Variants in L3MBTL4 observed in about 807,000 individuals in gnomAD.
L3MBTL4 encodes the protein lethal(3)malignant brain tumor-like protein 4.
Under a neutral mutation model 84.5 loss-of-function variants are expected in L3MBTL4, and 70 were observed. The observed-to-expected ratio is 0.83, with a 90% CI of 0.68 to 1.01. L3MBTL4 has a LOEUF of 1.01. Among genes scored for constraint, L3MBTL4 ranks in the 50% least tolerant of loss-of-function variants. The pLI, the probability that L3MBTL4 is intolerant of heterozygous loss-of-function variation, is 0.00. For missense variants in L3MBTL4, 715 were observed against 754.8 expected, an observed-to-expected ratio of 0.95 and a Z score of 0.62; for synonymous variants, 274 against 259.8, an observed-to-expected ratio of 1.05 and a Z score of -0.52.
intron 1 of L3MBTL4, among the ~76,000 whole-genome samples, chr18:6,345,088 G>C (rs2052811408): frequency 6.6e-6 from 1 of 151,718 alleles, no homozygotes; most frequent in Non-Finnish European, 1.5e-5. Context: ...GAAAACCATA[G>C]GCCAGGCACG....
At chr18:6,109,171 A>G (rs2059111183) in intron 14 of L3MBTL4, among the ~76,000 whole-genome samples, 1 of 152,212 alleles carries the variant, frequency 6.6e-6, no homozygotes. Flanking sequence ...CTCTTTCTCA[A>G]TAGATCACAT....
At chr18:6,318,633 A>G (rs192602381) in intron 1 of L3MBTL4, among the ~76,000 whole-genome samples, 68 of 152,024 alleles carry the variant, frequency 4.5e-4, no homozygotes, top group Non-Finnish European at 6.9e-4. Flanking sequence ...TCATAAAACA[A>G]TTACTATTAG....
chr18:6,194,508 G>A (rs564780476), intron 12 of L3MBTL4, among the ~76,000 whole-genome samples: 12 of 152,302 alleles, frequency 7.9e-5, no homozygotes, highest in African/African-American at 1.9e-4. Flanking sequence ...AGAAAGCACC[G>A]TGGGAAGTGG....
intron 14 of L3MBTL4, among the ~76,000 whole-genome samples, chr18:6,122,923 A>G (rs1299370945): frequency 6.6e-6 from 1 of 152,264 alleles, no homozygotes; most frequent in African/African-American, 2.4e-5. Context: ...AATCCATTTT[A>G]ATGCACATTA....
chr18:6,277,570 G>T (rs1436577592), intron 4 of L3MBTL4, among the ~76,000 whole-genome samples: 1 of 152,124 alleles, frequency 6.6e-6, no homozygotes, highest in Admixed American at 6.5e-5. Flanking sequence ...AACCAGTTGA[G>T]ATTCTGTTTT....
intron 16 of L3MBTL4, among the ~76,000 whole-genome samples, chr18:5,974,536 TC>T (rs967191528): frequency 2.0e-5 from 3 of 152,164 alleles, no homozygotes; most frequent in African/African-American, 7.2e-5. Context: ...GGCCAATTTT[TC>T]CAGAGTGCCT....
At chr18:6,080,017 G>A (rs1228522506) in intron 16 of L3MBTL4, 1 of 152,212 alleles carries the variant, frequency 6.6e-6, no homozygotes, top group Non-Finnish European at 1.5e-5. Context: ...CCTGAAGTGA[G>A]CAGTTCAGCA....
intron 13 of L3MBTL4, among the ~76,000 whole-genome samples, chr18:6,169,101 G>A (rs1453144666): frequency 1.3e-5 from 2 of 152,208 alleles, no homozygotes; most frequent in Non-Finnish European, 2.9e-5. Flanking sequence ...CTGGTCATCA[G>A]AGAAATGCAA....
chr18:6,093,034 T>G (rs1319621182), intron 15 of L3MBTL4, among the ~76,000 whole-genome samples: 1 of 152,174 alleles, frequency 6.6e-6, no homozygotes, highest in African/African-American at 2.4e-5. Context: ...TATGAAACGA[T>G]TCAAAAGAAT....
chr18:6,341,383 A>G (rs1328081250), intron 1 of L3MBTL4, among the ~76,000 whole-genome samples: 1 of 152,104 alleles, frequency 6.6e-6, no homozygotes, highest in Non-Finnish European at 1.5e-5. Context: ...ACTAAATTAT[A>G]TAAGGGAAAC....
At position 6,171,110 on chromosome 18, in the gene L3MBTL4, T is replaced by C. The variant is rs201588636; in HGVS notation, c.1096+718A>G. 7.9e-5 allele frequency among the ~76,000 whole-genome samples: 12 copies of C among 152,300 alleles called. No individual in the cohort carries two copies. In the East Asian group the frequency reaches 2.1e-3, roughly 27 times the overall value. On this transcript the variant is annotated intron_variant, in intron 13 of 18. Coordinates refer to ENST00000317931, the MANE Select transcript of L3MBTL4 (RefSeq NM_001330559.2). ...TAGGCTGGCTCCATGTAAGATATCC[T>C]CATTAATAGAAAAGCATTCTAGCTT...
chr18:6,391,698 C>T (rs341216), intron 1 of L3MBTL4, among the ~76,000 whole-genome samples: 1,568 of 151,216 alleles, frequency 0.01, 25 homozygotes, highest in African/African-American at 0.035. Context: ...ATGACCAAGC[C>T]GAGACTCAAA....
intron 5 of L3MBTL4, 131 bp downstream of exon 5, chr18:6,263,816 G>A (rs2048512033): frequency 1.3e-6 from 1 of 742,540 alleles, no homozygotes; most frequent in South Asian, 1.5e-5. Context: ...TTAGGTTTGT[G>A]GGGTCATTTT....
chr18:6,051,513 T>C (rs2056837763), intron 16 of L3MBTL4, among the ~76,000 whole-genome samples: 1 of 150,452 alleles, frequency 6.6e-6, no homozygotes, highest in Admixed American at 6.6e-5. Context: ...CATTCCAGCC[T>C]GGGCGGCGCA....
chr18:6,253,607 T>G (rs1472997268), intron 5 of L3MBTL4, among the ~76,000 whole-genome samples: 5 of 152,206 alleles, frequency 3.3e-5, no homozygotes, highest in Admixed American at 3.3e-4. Context: ...AATGCTAATT[T>G]TCACCTTGAT....
intron 12 of L3MBTL4, among the ~76,000 whole-genome samples, chr18:6,211,667 G>C (rs936595981): frequency 3.6e-5 from 3 of 84,218 alleles, no homozygotes; most frequent in Non-Finnish European, 4.8e-5. Flanking sequence ...TTTTTTTTTT[G>C]AGACAGAGTC....
intron 16 of L3MBTL4, among the ~76,000 whole-genome samples, chr18:6,066,383 A>G (rs2057400001): frequency 6.6e-6 from 1 of 152,078 alleles, no homozygotes; most frequent in Non-Finnish European, 1.5e-5. Flanking sequence ...GTTCTAGGGT[A>G]TAGTTTAAGT....
At chr18:5,993,364 T>C (rs1471777522) in intron 16 of L3MBTL4, among the ~76,000 whole-genome samples, 1 of 152,226 alleles carries the variant, frequency 6.6e-6, no homozygotes, top group Admixed American at 6.5e-5. Flanking sequence ...GAACAGCCTG[T>C]CTAGGTGTCA....
chr18:6,294,385 A>G (rs1385339412), intron 4 of L3MBTL4, among the ~76,000 whole-genome samples: 1 of 152,240 alleles, frequency 6.6e-6, no homozygotes, highest in African/African-American at 2.4e-5. Context: ...CTGAGCGAGC[A>G]TTAAAATGCA....
Sources: allele counts gnomAD v4.1 joint callset (sites outside exome capture counted in the v4.1 genomes callset), GRCh38; gene constraint gnomAD v4.1.1; transcripts MANE v1.5; gene names NCBI Gene and HGNC (gene_info 2026-07-23, HGNC 2026-07-21).